Variants in APPL2 observed in about 807,000 individuals in gnomAD.
The protein encoded by APPL2 is DCC-interacting protein 13-beta.
A neutral mutation model predicts 92.7 loss-of-function variants in APPL2; 84 were observed. The ratio of observed to expected loss-of-function variants is 0.91; its 90% confidence interval spans 0.76 to 1.09. The LOEUF (loss-of-function observed/expected upper bound fraction) is 1.09. Ranked by LOEUF, APPL2 falls within the 50% of genes least tolerant of loss-of-function variation. The pLI, the probability that APPL2 is intolerant of heterozygous loss-of-function variation, is 0.00. For missense variants in APPL2, 736 were observed against 824.5 expected (o/e 0.89, Z 1.31); for synonymous variants, 291 against 291.0 (o/e 1.00, Z 0.00).
chr12:105,182,703 G>A (rs567769783), intron 17 of APPL2, among the ~76,000 whole-genome samples: 20 of 152,322 alleles, frequency 1.3e-4, no homozygotes, highest in African/African-American at 4.3e-4. Context: ...GAATAAGTGT[G>A]ACGTGGTGCT....
At chr12:105,185,262 T>C (rs1367309659) in intron 17 of APPL2, among the ~76,000 whole-genome samples, 3 of 151,726 alleles carry the variant, frequency 2.0e-5, no homozygotes, top group Non-Finnish European at 4.4e-5. Context: ...TCCAGGGGAG[T>C]GAACAGTTGG....
At chr12:105,207,605 A>G (rs1245800576) in intron 7 of APPL2, among the ~76,000 whole-genome samples, 1 of 152,218 alleles carries the variant, frequency 6.6e-6, no homozygotes, top group Non-Finnish European at 1.5e-5. Flanking sequence ...AAAATAGTCA[A>G]TATTATCTAG....
At chr12:105,200,792 A>G (rs536970348) in intron 9 of APPL2, among the ~76,000 whole-genome samples, 1 of 152,262 alleles carries the variant, frequency 6.6e-6, no homozygotes, top group South Asian at 2.1e-4. Context: ...GGAGGTAAGG[A>G]ACGTTGGGCT....
chr12:105,174,561 T>C, intron 20 of APPL2, 113 bp from the exon 21 acceptor site: 1 of 1,118,530 alleles, frequency 8.9e-7, no homozygotes, highest in Non-Finnish European at 1.2e-6. Context: ...TCCTGACTCT[T>C]GTGTATATGT....
chr12:105,235,806 C>T (rs1349989150), intron 1 of APPL2, among the ~76,000 whole-genome samples, 153 bp downstream of exon 1: 1 of 152,034 alleles, frequency 6.6e-6, no homozygotes, highest in Non-Finnish European at 1.5e-5. Context: ...CCGCCCCCTC[C>T]TCAGCCCGAG....
intron 14 of APPL2, among the ~76,000 whole-genome samples, chr12:105,191,870 G>T (rs1452445741): frequency 6.6e-6 from 1 of 152,068 alleles, no homozygotes; most frequent in Non-Finnish European, 1.5e-5. Context: ...CTAAATGCTG[G>T]AGTTCTTTAG....
chr12:105,195,648 T>C, intron 11 of APPL2, 21 bp from the exon 12 acceptor site: 1 of 1,613,658 alleles, frequency 6.2e-7, no homozygotes, highest in South Asian at 1.1e-5. Context: ...AGTGTCTAAG[T>C]AATTAAGTGC....
At chr12:105,193,021 A>T (rs1255918321) in intron 14 of APPL2, among the ~76,000 whole-genome samples, 1 of 152,056 alleles carries the variant, frequency 6.6e-6, no homozygotes, top group Non-Finnish European at 1.5e-5. Context: ...CCTAAAAGAG[A>T]TAGTATCCCT....
At chr12:105,229,370 G>A in intron 1 of APPL2, 147 bp from the exon 2 acceptor site, 1 of 827,346 alleles carries the variant, frequency 1.2e-6, no homozygotes, top group South Asian at 1.9e-5. Flanking sequence ...TTTATTGATA[G>A]TACCAGTACC....
intron 1 of APPL2, 143 bp downstream of exon 1, chr12:105,235,816 G>A (rs1029449966): frequency 1.3e-5 from 7 of 550,566 alleles, no homozygotes; most frequent in African/African-American, 1.2e-4. Context: ...CTCAGCCCGA[G>A]AGAACCCGGT....
intron 2 of APPL2, among the ~76,000 whole-genome samples, chr12:105,224,153 TAAG>T (rs1257795948): frequency 6.6e-6 from 1 of 152,194 alleles, no homozygotes; most frequent in Non-Finnish European, 1.5e-5. Context: ...AACCCAGGTC[TAAG>T]AAGTCATTAC....
intron 2 of APPL2, 39 bp downstream of exon 2, chr12:105,229,086 G>C (rs1890729537): frequency 6.5e-7 from 1 of 1,533,374 alleles, no homozygotes; most frequent in African/African-American, 1.4e-5. Flanking sequence ...GGGAGAGAAT[G>C]CCCACTCTGC....
intron 17 of APPL2, among the ~76,000 whole-genome samples, chr12:105,187,399 A>G (rs1566057659): frequency 6.6e-6 from 1 of 152,224 alleles, no homozygotes; most frequent in Non-Finnish European, 1.5e-5. Flanking sequence ...CCTCATGACA[A>G]CAGTGGAGGG....
At position 105,229,181 on chromosome 12, in the gene APPL2, G is replaced by A. The variant is rs1890739961; in HGVS notation, c.97C>T (p.Leu33Phe). ...AGCAGCTGGTTGGTATAGTCTGTGA[G>A]GGTGCCAGCATCTTCTTCAAACACG... is the stretch of plus-strand genomic sequence containing the variant. ...LSVFEEDAGT[L>F]TDYTNQLLQA... Residue 33 changes from leucine (L) to phenylalanine (F), a missense_variant, in exon 2 of 21, where the codon CTC (leucine) becomes TTC (phenylalanine). Leu to Phe is a conservative substitution (Grantham distance 22). Coordinates refer to ENST00000258530, the MANE Select transcript of APPL2 (RefSeq NM_018171.5). 2 of 1,613,688 alleles carry A rather than the reference G, an allele frequency of 1.2e-6. No homozygotes were observed. The highest frequency in any genetic ancestry group is 1.3e-5 in the African/African-American group (1 of 74,906).
At position 105,176,680 on chromosome 12, in the gene APPL2, T is replaced by G. The variant is rs184410775; in HGVS notation, c.1812+196A>C. On this transcript the variant is annotated intron_variant, in intron 19 of 20. Coordinates refer to ENST00000258530, the MANE Select transcript of APPL2 (RefSeq NM_018171.5). Reference sequence around the variant, plus strand: ...TCTTCCTCATTCACCCTATTCTGGTTGATAGGTATTTTCCACAGAGAAATT... The same window carrying G: ...TCTTCCTCATTCACCCTATTCTGGTGGATAGGTATTTTCCACAGAGAAATT... The G allele has an allele frequency of 2.0e-4, 124 of 631,270 alleles. No homozygotes were observed. The African/African-American group carries it at 2.0e-3, about 10-fold the overall frequency. 39.1% of individuals were successfully genotyped at this position (631,270 alleles called of 1,614,324 possible).
intron 9 of APPL2, among the ~76,000 whole-genome samples, chr12:105,202,710 T>C (rs1235125726): frequency 1.3e-5 from 2 of 152,222 alleles, no homozygotes; most frequent in African/African-American, 4.8e-5. Flanking sequence ...TAATTATAAA[T>C]AAAAGCTACA....
At chr12:105,196,260 A>T (rs1450272030) in intron 11 of APPL2, among the ~76,000 whole-genome samples, 1 of 151,512 alleles carries the variant, frequency 6.6e-6, no homozygotes, top group Non-Finnish European at 1.5e-5. Context: ...TCCTCTAATG[A>T]TCCAAGATGA....
chr12:105,207,000 C>T, intron 8 of APPL2, 61 bp downstream of exon 8: 2 of 1,566,292 alleles, frequency 1.3e-6, no homozygotes, highest in Non-Finnish European at 1.7e-6. Flanking sequence ...CTCCTGCGTG[C>T]CCTCTCAGCA....
At chr12:105,233,128 C>CAGG in intron 1 of APPL2, 1 of 985,446 alleles carries the variant, frequency 1.0e-6, no homozygotes, top group South Asian at 4.7e-5. Flanking sequence ...GTACAAGCTG[C>CAGG]AGGAGCTCAA....
Sources: allele counts gnomAD v4.1 joint callset (sites outside exome capture counted in the v4.1 genomes callset), GRCh38; gene constraint gnomAD v4.1.1; transcripts MANE v1.5; gene names NCBI Gene and HGNC (gene_info 2026-07-23, HGNC 2026-07-21).